Variants in FAM171A1 observed in about 807,000 individuals in gnomAD.
FAM171A1 encodes family with sequence similarity 171 member A1.
Under a neutral mutation model 74.9 loss-of-function variants are expected in FAM171A1, and 23 were observed. The ratio of observed to expected loss-of-function variants is 0.31; its 90% CI spans 0.22 to 0.44. The LOEUF is 0.44. Ranked by LOEUF, FAM171A1 falls within the 20% of genes least tolerant of loss-of-function variation. The probability of loss-of-function intolerance (pLI) is 1.00; values close to 1 mark genes in which losing one functional copy is unlikely to be tolerated. For missense variants in FAM171A1, 1,162 were observed against 1,159.2 expected (o/e 1.00, Z -0.03); for synonymous variants, 527 against 505.7 (o/e 1.04, Z -0.57).
chr10:15,215,141 T>C (rs1342037368), intron 7 of FAM171A1, among the ~76,000 whole-genome samples: 1 of 152,206 alleles, frequency 6.6e-6, no homozygotes, highest in African/African-American at 2.4e-5. Context: ...ATTAAATGTA[T>C]GACATTCATT....
intron 1 of FAM171A1, among the ~76,000 whole-genome samples, chr10:15,296,289 T>C (rs1835160091): frequency 6.6e-6 from 1 of 152,036 alleles, no homozygotes; most frequent in African/African-American, 2.4e-5. Flanking sequence ...TCCAAGGAAA[T>C]TATATTTATA....
In FAM171A1 at chr10:15,213,293, G is replaced by A. The variant is rs3814168; in HGVS notation, c.2295C>T (p.Asn765=). The A allele has an allele frequency of 0.023, 36,824 of 1,614,050 alleles. 670 individuals are homozygous for A. Among genetic ancestry groups the A allele is most frequent in the East Asian group, 0.08 (3,570 of 44,878 alleles). ...GRGDALSLQQ[N]YPPVQEHQQK... ...GCTGGTGCTCTTGGACGGGCGGGTA[G>A]TTCTGCTGCAGAGACAAAGCATCTC... The change falls in exon 8 of 8, where the codon AAC becomes AAT. Residue 765 remains asparagine, a synonymous_variant. Coordinates refer to ENST00000378116, the MANE Select transcript of FAM171A1 (RefSeq NM_001010924.2). This position sits in a 1 kb window ranked among gnomAD's most constrained non-coding sequence, Gnocchi z 6.8.
In FAM171A1 at chr10:15,283,958, A is replaced by C; in HGVS notation, c.245T>G (p.Leu82Arg). Residue 82 changes from leucine to arginine, a missense_variant, in exon 2 of 8, where the codon CTG becomes CGG. Coordinates refer to ENST00000378116, the MANE Select transcript of FAM171A1 (RefSeq NM_001010924.2). ...GVAFIKFQYK[L>R]GSQLIVTASK... Reference sequence around the variant, plus strand: ...GGCGGTGACAATCAACTGACTGCCCAGCTTATACTGGAACTTGATAAAGGC... The same window carrying C: ...GGCGGTGACAATCAACTGACTGCCCCGCTTATACTGGAACTTGATAAAGGC... 3.1e-6 allele frequency: 5 copies of C among 1,614,176 alleles called. No individual in the cohort carries two copies. The highest frequency in any genetic ancestry group is 4.2e-6 in the Non-Finnish European group (5 of 1,180,030).
Position 15,212,876 on chromosome 10 carries a change from G to C in FAM171A1, c.*39C>G. 6.2e-7 allele frequency: 1 copy of C among 1,603,642 alleles called. No individual in the cohort carries two copies. Among genetic ancestry groups the C allele is most frequent in the Non-Finnish European group, 8.5e-7 (1 of 1,177,084 alleles). On this transcript the variant is annotated 3_prime_UTR_variant, in exon 8 of 8. Coordinates refer to ENST00000378116, the MANE Select transcript of FAM171A1 (RefSeq NM_001010924.2). ...GCGCTTCCATGAGAAAGGATATTTG[G>C]CAATTTTATATTCCACAGTCAGGTG...
Position 15,213,248 on chromosome 10 carries a change from T to G in FAM171A1, c.2340A>C (p.Pro780=). 1.9e-6 allele frequency: 3 copies of G among 1,614,072 alleles called. No homozygotes were observed. Among genetic ancestry groups the G allele is most frequent in the Non-Finnish European group, 2.5e-6 (3 of 1,180,016 alleles). Residue 780 remains proline (P), a synonymous_variant, in exon 8 of 8, where the codon CCA becomes CCC. Coordinates refer to ENST00000378116, the MANE Select transcript of FAM171A1 (RefSeq NM_001010924.2). This position sits in a 1 kb window ranked among gnomAD's most constrained non-coding sequence, Gnocchi z 6.8. ...CGAGCTGCGTGTAGGCCGTGCTGTC[T>G]GGGGCTCGAGGCTCTTTCTGCTGGT... ...QEHQQKEPRA[P]DSTAYTQLVY...
chr10:15,301,712 G>A (rs948216770), intron 1 of FAM171A1, among the ~76,000 whole-genome samples: 1 of 152,132 alleles, frequency 6.6e-6, no homozygotes. Flanking sequence ...CAGGGAACTG[G>A]AGCAAGAATG....
chr10:15,366,936 T>C (rs1836070069), intron 1 of FAM171A1, among the ~76,000 whole-genome samples: 1 of 152,206 alleles, frequency 6.6e-6, no homozygotes, highest in Non-Finnish European at 1.5e-5. Context: ...CAGTGGCTCA[T>C]GCCTGTAATC....
chr10:15,323,562 A>C (rs74123192), intron 1 of FAM171A1, among the ~76,000 whole-genome samples: 2,327 of 152,314 alleles, frequency 0.015, 61 homozygotes, highest in African/African-American at 0.053. Context: ...CCCTGCAGGC[A>C]GATCTATTCA....
At chr10:15,233,905 A>C (rs111794819) in intron 5 of FAM171A1, among the ~76,000 whole-genome samples, 1 of 148,316 alleles carries the variant, frequency 6.7e-6, no homozygotes, top group South Asian at 2.1e-4. Flanking sequence ...CGTCTCACCA[A>C]AAAAAAAAAA....
intron 1 of FAM171A1, among the ~76,000 whole-genome samples, chr10:15,310,614 C>A (rs1835348872): frequency 6.6e-6 from 1 of 152,156 alleles, no homozygotes; most frequent in South Asian, 2.1e-4. Context: ...GTAATCTCAG[C>A]ACTTTGCGAG....
chr10:15,320,857 G>T (rs900508064), intron 1 of FAM171A1, among the ~76,000 whole-genome samples: 4 of 152,206 alleles, frequency 2.6e-5, no homozygotes, highest in Admixed American at 6.5e-5. Flanking sequence ...TTGTGTAGTA[G>T]AAAGACTGAA....
intron 4 of FAM171A1, among the ~76,000 whole-genome samples, chr10:15,250,008 A>C (rs1393320557): frequency 5.3e-5 from 8 of 152,224 alleles, no homozygotes; most frequent in Admixed American, 4.6e-4. Context: ...AGCTACTTAT[A>C]TACTTACCTA....
At chr10:15,353,783 C>G (rs1438868819) in intron 1 of FAM171A1, among the ~76,000 whole-genome samples, 1 of 151,952 alleles carries the variant, frequency 6.6e-6, no homozygotes, top group African/African-American at 2.4e-5. Context: ...GCAGGCGGCT[C>G]AGAAACACAG....
At chr10:15,321,677 T>C (rs987961386) in intron 1 of FAM171A1, among the ~76,000 whole-genome samples, 3 of 152,224 alleles carry the variant, frequency 2.0e-5, no homozygotes, top group African/African-American at 7.2e-5. Flanking sequence ...GTCAGAAGCC[T>C]GAACCCTTTA....
chr10:15,369,221 T>C (rs1300613693), intron 1 of FAM171A1, among the ~76,000 whole-genome samples: 1 of 150,222 alleles, frequency 6.7e-6, no homozygotes, highest in Admixed American at 6.6e-5. Context: ...TGAATATATA[T>C]ATATATATAT....
intron 2 of FAM171A1, among the ~76,000 whole-genome samples, chr10:15,281,244 C>T (rs910456763): frequency 2.6e-5 from 4 of 152,222 alleles, no homozygotes; most frequent in African/African-American, 7.2e-5. Context: ...CCTGTATCTC[C>T]TCCAGAACTG....
At chr10:15,373,564 C>CA (rs2131901675), upstream of FAM171A1, among the ~76,000 whole-genome samples, 1 of 152,290 alleles carries the variant, frequency 6.6e-6, no homozygotes, top group South Asian at 2.1e-4. Context: ...CAGTGAAGTG[C>CA]AAATCTAGTG....
At chr10:15,232,453 T>G (rs1252196520) in intron 5 of FAM171A1, among the ~76,000 whole-genome samples, 1 of 152,196 alleles carries the variant, frequency 6.6e-6, no homozygotes, top group Non-Finnish European at 1.5e-5. Context: ...GCCATTGTTT[T>G]ATCGCAAGAG....
chr10:15,249,670 A>G (rs1487940998), intron 4 of FAM171A1, among the ~76,000 whole-genome samples: 1 of 152,176 alleles, frequency 6.6e-6, no homozygotes, highest in East Asian at 1.9e-4. Flanking sequence ...GCTATTGAGG[A>G]CTGGACTTGA....
Sources: allele counts gnomAD v4.1 joint callset (sites outside exome capture counted in the v4.1 genomes callset), GRCh38; gene constraint gnomAD v4.1.1; non-coding constraint Gnocchi (gnomAD v3.1); transcripts MANE v1.5; gene names NCBI Gene and HGNC (gene_info 2026-07-23, HGNC 2026-07-21).